Variants in MDN1 observed in about 807,000 individuals in gnomAD.
The protein encoded by MDN1 is midasin.
Under a neutral mutation model 669.2 loss-of-function variants are expected in MDN1, and 266 were observed. The observed-to-expected ratio is 0.40, with a 90% confidence interval of 0.36 to 0.44. The LOEUF is 0.44. Ranked by LOEUF, MDN1 falls within the 20% of genes least tolerant of loss-of-function variation. MDN1 has a pLI of 1.00. For synonymous variants in MDN1, 2,385 were observed against 2,457.1 expected (o/e 0.97, Z 0.87); for missense variants, 5,940 against 6,754.0 (o/e 0.88, Z 4.22).
At chr6:89,646,463 TGAGC>T in intron 100 of MDN1, 73 bp downstream of exon 100, 1 of 1,238,022 alleles carries the variant, frequency 8.1e-7, no homozygotes, top group Non-Finnish European at 1.2e-6. Flanking sequence ...ACGGGGACAC[TGAGC>T]TGAAGCAAGC....
At chr6:89,810,304 C>T (rs1183131272) in intron 1 of MDN1, among the ~76,000 whole-genome samples, 2 of 151,716 alleles carry the variant, frequency 1.3e-5, no homozygotes, top group Non-Finnish European at 2.9e-5. Flanking sequence ...GGTATGGTGG[C>T]GGGTGCCTGT....
chr6:89,690,029 C>T lies in MDN1; in HGVS notation c.10864G>A (p.Ala3622Thr), dbSNP rs752988266. The T allele has an allele frequency of 4.6e-5, 75 of 1,614,032 alleles. No individual in the cohort carries two copies. Among genetic ancestry groups the T allele is most frequent in the Middle Eastern group, 1.6e-4 (1 of 6,084 alleles). Residue 3622 changes from alanine to threonine, a missense_variant, in exon 65 of 102, where the codon GCA becomes ACA. By Grantham distance (58) the Ala-to-Thr change is moderately conservative. This residue lies in a region of MDN1 where 2,280 missense variants were observed against 2,576.3 expected (regional missense o/e 0.88). Transcript: ENST00000369393. ...AATTGCTGGTGTATCAGCATTACTG[C>T]CTGCATTGAATTCTGGGAGAGGAGA... ...PALLSQNSMQAVMLIHQQLCL... is the reference protein window; with the variant it reads ...PALLSQNSMQTVMLIHQQLCL...
intron 1 of MDN1, among the ~76,000 whole-genome samples, chr6:89,807,807 T>C (rs1033198945): frequency 4.6e-5 from 7 of 152,220 alleles, no homozygotes; most frequent in African/African-American, 1.4e-4. Context: ...TGCCGTATCT[T>C]GTAATTCAAT....
chr6:89,656,419 G>A (rs970487604), intron 91 of MDN1, among the ~76,000 whole-genome samples: 4 of 152,046 alleles, frequency 2.6e-5, no homozygotes, highest in South Asian at 4.2e-4. Context: ...AGAGTGAGAC[G>A]GTTTGTGCTG....
Position 89,714,566 on chromosome 6 carries a change from G to A in MDN1, c.7046C>T (p.Thr2349Ile), listed in dbSNP as rs747937198. ...ACCTACAACAGTGCTCCGGGTCTCT[G>A]TGTGTAAAGCCAAGAGGATGTCACA... ...SVCDILLALH[T>I]ETRSTVVGSP... Residue 2349 changes from threonine to isoleucine, a missense_variant, in exon 46 of 102, where the codon ACA becomes ATA. By Grantham distance (89) the Thr-to-Ile change is moderately conservative. This residue lies in a region of MDN1 where 2,292 missense variants were observed against 2,638.3 expected (regional missense o/e 0.87). Coordinates refer to ENST00000369393, the MANE Select transcript of MDN1 (RefSeq NM_014611.3). 1.2e-6 allele frequency: 2 copies of A among 1,611,140 alleles called. No individual in the cohort carries two copies. Among genetic ancestry groups the A allele is most frequent in the South Asian group, 2.2e-5 (2 of 90,536 alleles).
chr6:89,815,460 ATGAGCTTCCTGGC>A (rs1156766414), intron 1 of MDN1: 2 of 321,794 alleles, frequency 6.2e-6, no homozygotes, highest in African/African-American at 4.5e-5. Flanking sequence ...GTGCTTCCCC[ATGAGCTTCCTGGC>A]GGAAGCTCCC....
intron 46 of MDN1, among the ~76,000 whole-genome samples, chr6:89,713,839 G>A (rs1410528260): frequency 1.3e-5 from 2 of 151,902 alleles, no homozygotes; most frequent in Admixed American, 6.6e-5. Context: ...ACGAGGTCAG[G>A]AGATTGAGAC....
At chr6:89,659,868 T>G (rs1320529376) in intron 88 of MDN1, among the ~76,000 whole-genome samples, 5 of 152,216 alleles carry the variant, frequency 3.3e-5, no homozygotes. Flanking sequence ...TAGCAAATTC[T>G]TAAAATAACT....
chr6:89,660,221 T>A (rs12055871), intron 88 of MDN1, among the ~76,000 whole-genome samples: 1 of 152,072 alleles, frequency 6.6e-6, no homozygotes, highest in Non-Finnish European at 1.5e-5. Flanking sequence ...AGTCTCGTTC[T>A]GTCACCCAAG....
intron 34 of MDN1, among the ~76,000 whole-genome samples, chr6:89,731,694 T>C (rs1166919308): frequency 1.3e-5 from 2 of 151,932 alleles, no homozygotes; most frequent in Non-Finnish European, 2.9e-5. Flanking sequence ...GGTTGATGGG[T>C]GCGGCAAACC....
intron 15 of MDN1, among the ~76,000 whole-genome samples, chr6:89,771,093 GGGACCCTGA>G (rs1397347298): frequency 6.6e-6 from 1 of 152,098 alleles, no homozygotes. Flanking sequence ...CACTGATGGT[GGGACCCTGA>G]GGAAACTAAA....
chr6:89,784,597 A>G (rs1166206886), intron 9 of MDN1, among the ~76,000 whole-genome samples: 1 of 152,188 alleles, frequency 6.6e-6, no homozygotes, highest in African/African-American at 2.4e-5. Context: ...GAAAACCTAT[A>G]AAGTGATTTA....
At position 89,810,011 on chromosome 6, in the gene MDN1, A is replaced by ATAAAT. The variant is rs1482380264; in HGVS notation, c.103-6458_103-6457insATTTA. Among the ~76,000 whole-genome samples, 67 of 124,880 alleles carry ATAAAT rather than the reference A, an allele frequency of 5.4e-4. 3 individuals carry two copies. The highest frequency in any genetic ancestry group is 7.8e-5 in the Non-Finnish European group (4 of 51,512). The allele number at this position is 124,880 out of a possible 152,430, so 81.9% of individuals were successfully genotyped here. A position where few individuals can be genotyped will look rare whatever the true frequency, so the allele number is the denominator to read the frequency against. ...GTTTCACTAAAAAAAAAAAAAAAAA[A>ATAAAT]AAAAAAAAAAAAAAATTAAGTTTGG... is the stretch of plus-strand genomic sequence containing the variant. On this transcript the variant is annotated intron_variant, in intron 1 of 101. Transcript: ENST00000369393.
chr6:89,648,607 C>A (rs1808637566), intron 97 of MDN1, among the ~76,000 whole-genome samples: 1 of 151,998 alleles, frequency 6.6e-6, no homozygotes, highest in African/African-American at 2.4e-5. Context: ...GTAGCTCACA[C>A]CTGTAATCCC....
intron 50 of MDN1, among the ~76,000 whole-genome samples, 174 bp downstream of exon 50, chr6:89,710,505 TAA>T (rs149449666): frequency 2.1e-5 from 3 of 139,586 alleles, no homozygotes; most frequent in Non-Finnish European, 1.6e-5. Context: ...CCTGTCCCTT[TAA>T]AAAAAAAAAA....
intron 57 of MDN1, 70 bp downstream of exon 57, chr6:89,699,993 G>A (rs1020034155): frequency 7.2e-7 from 1 of 1,388,274 alleles, no homozygotes; most frequent in Non-Finnish European, 1.0e-6. Context: ...GTTTGTTTAT[G>A]GGTATAGGAT....
At chr6:89,736,621 T>A (rs1243618682) in intron 33 of MDN1, among the ~76,000 whole-genome samples, 3 of 49,432 alleles carry the variant, frequency 6.1e-5, no homozygotes, top group Non-Finnish European at 1.0e-4. Context: ...TGAAACCCCA[T>A]CTCTCAAAAA....
At position 89,670,940 on chromosome 6, in the gene MDN1, G is replaced by C; in HGVS notation, c.13935C>G (p.Val4645=). ...TAKLLSVLAQ[V]FTELAQKGFC... ...TTACCTTCTGGGCAAGCTCTGTAAA[G>C]ACCTGGGCAAGCACAGAGAGCAGCT... The change falls in exon 83 of 102, where the codon GTC becomes GTG. Residue 4645 remains valine, a synonymous_variant. Transcript: ENST00000369393. The C allele has an allele frequency of 6.2e-7, 1 of 1,614,184 alleles. No individual in the cohort carries two copies.
intron 50 of MDN1, among the ~76,000 whole-genome samples, chr6:89,709,668 G>A (rs1050842162): frequency 6.6e-6 from 1 of 152,110 alleles, no homozygotes; most frequent in Non-Finnish European, 1.5e-5. Flanking sequence ...ATGGCCAGTG[G>A]TATATTTTGA....
Sources: allele counts gnomAD v4.1 joint callset (sites outside exome capture counted in the v4.1 genomes callset), GRCh38; gene constraint gnomAD v4.1.1; regional missense constraint gnomAD v4.1.1; transcripts MANE v1.5; gene names NCBI Gene and HGNC (gene_info 2026-07-23, HGNC 2026-07-21).